SLCO4C1: variants seen among roughly 807,000 people sequenced by gnomAD.
SLCO4C1 encodes organic anion transporter M1.
A neutral mutation model predicts 72.1 loss-of-function variants in SLCO4C1; 58 were observed. The observed-to-expected ratio is 0.80, with a 90% CI of 0.65 to 1.00. SLCO4C1 has a LOEUF of 1.00. SLCO4C1 is among the 50% of genes least tolerant of loss of function. The probability of loss-of-function intolerance (pLI) is 0.00; values close to 1 mark genes in which losing one functional copy is unlikely to be tolerated. For synonymous variants in SLCO4C1, 297 were observed against 312.5 expected (o/e 0.95, Z 0.52); for missense variants, 898 against 857.9 (o/e 1.05, Z -0.58).
At chr5:102,247,499 T>C (rs1434888866) in intron 9 of SLCO4C1, 57 bp from the exon 10 acceptor site, 11 of 1,202,648 alleles carry the variant, frequency 9.1e-6, no homozygotes, top group Non-Finnish European at 1.3e-5. Context: ...TAAATTATTG[T>C]AAATTAGGTA....
Position 102,257,959 on chromosome 5 carries a change from G to A in SLCO4C1, c.1257C>T (p.Phe419=), listed in dbSNP as rs763876375. 20 of 1,603,730 alleles carry A rather than the reference G, an allele frequency of 1.2e-5. No individual in the cohort carries two copies. Among genetic ancestry groups the A allele is most frequent in the East Asian group, 2.3e-5 (1 of 44,320 alleles). The change falls in exon 7 of 13, where the codon TTC becomes TTT. Residue 419 remains phenylalanine, a synonymous_variant. Coordinates refer to ENST00000310954, the MANE Select transcript of SLCO4C1 (RefSeq NM_180991.5). Reference sequence around the variant, plus strand: ...ATGTTTTACCTCCAAGAGTAGCTGCGAAGCTGGATGTCAATCCGAATTGAT... The same window carrying A: ...ATGTTTTACCTCCAAGAGTAGCTGCAAAGCTGGATGTCAATCCGAATTGAT... ...IENQFGLTSS[F]AATLGGAVLI...
rs757946738 is a variant in SLCO4C1 at position 102,291,539 on chromosome 5, A to T, written c.423T>A (p.Ser141Arg). 1 of 1,613,958 alleles carries T rather than the reference A, an allele frequency of 6.2e-7. No individual in the cohort carries two copies. Among genetic ancestry groups the T allele is most frequent in the Non-Finnish European group, 8.5e-7 (1 of 1,179,928 alleles). Residue 141 changes from serine to arginine, a missense_variant, in exon 2 of 13, where the codon AGT (serine) becomes AGA (arginine). Physicochemically the swap from Ser to Arg is moderately radical, Grantham distance 110 (BLOSUM62 -1). Transcript: ENST00000310954. ...STVEKRYEMK[S>R]SLTGLISSSY... ...TTGATGAAATCAGGCCAGTCAGGGAACTCTTCATTTCATAACGCTTCTCAA... is the reference window on the plus strand; with the variant it reads ...TTGATGAAATCAGGCCAGTCAGGGATCTCTTCATTTCATAACGCTTCTCAA...
chr5:102,287,516 G>T (rs945893005), intron 2 of SLCO4C1, among the ~76,000 whole-genome samples: 4 of 144,850 alleles, frequency 2.8e-5, no homozygotes, highest in African/African-American at 5.0e-5. Flanking sequence ...ACTATAAAAA[G>T]AAGAGGTTTT....
At chr5:102,268,641 TC>T (rs1749090828) in intron 3 of SLCO4C1, among the ~76,000 whole-genome samples, 1 of 152,176 alleles carries the variant, frequency 6.6e-6, no homozygotes, top group African/African-American at 2.4e-5. Flanking sequence ...GTTTTATATA[TC>T]CTTTGTTCAT....
intron 1 of SLCO4C1, among the ~76,000 whole-genome samples, chr5:102,292,056 C>A (rs1163856716): frequency 6.6e-6 from 1 of 152,086 alleles, no homozygotes; most frequent in East Asian, 1.9e-4. Context: ...AAATCCTGAC[C>A]TCAGGTGATC....
At chr5:102,277,876 A>G in intron 2 of SLCO4C1, among the ~76,000 whole-genome samples, 1 of 152,196 alleles carries the variant, frequency 6.6e-6, no homozygotes, top group East Asian at 1.9e-4. Flanking sequence ...TCAAAACACT[A>G]CAGATAAATC....
At chr5:102,278,086 A>G (rs1425103094) in intron 2 of SLCO4C1, among the ~76,000 whole-genome samples, 2 of 152,160 alleles carry the variant, frequency 1.3e-5, no homozygotes, top group Admixed American at 6.6e-5. Context: ...AATAAAAAAA[A>G]CAACCCAACT....
chr5:102,269,658 G>A (rs1417822358), intron 3 of SLCO4C1, among the ~76,000 whole-genome samples: 1 of 151,950 alleles, frequency 6.6e-6, no homozygotes, highest in Non-Finnish European at 1.5e-5. Flanking sequence ...AAGACCATTA[G>A]CTCAAATTCC....
chr5:102,266,541 T>C (rs1295127581), intron 3 of SLCO4C1, among the ~76,000 whole-genome samples: 5 of 151,984 alleles, frequency 3.3e-5, no homozygotes, highest in African/African-American at 1.2e-4. Context: ...TCCCAGCTAC[T>C]TGGGAGGCTG....
chr5:102,247,379 CA>C lies in SLCO4C1; in HGVS notation c.1683del (p.Phe561LeufsTer27). 1 of 1,595,516 alleles carries C rather than the reference CA, an allele frequency of 6.3e-7. No individual in the cohort carries two copies. Among genetic ancestry groups the C allele is most frequent in the Non-Finnish European group, 8.6e-7 (1 of 1,166,074 alleles). On this transcript the variant is annotated frameshift_variant, in exon 10 of 13. Transcript: ENST00000310954. LOFTEE classifies it high-confidence loss of function. ...KTEITSTAET[F>X]GFEAKAGKCE... Reference sequence around the variant, plus strand: ...CATTTTCCAGCTTTAGCTTCAAAACCAAAAGTTTCTGCAGTGGATGTTATTT... The same window carrying C: ...CATTTTCCAGCTTTAGCTTCAAAACCAAAGTTTCTGCAGTGGATGTTATTT...
Position 102,270,718 on chromosome 5 carries a change from T to C in SLCO4C1, c.708A>G (p.Gln236=), listed in dbSNP as rs942938120. The change falls in exon 3 of 13, where the codon CAA becomes CAG. Residue 236 remains glutamine (Q), a synonymous_variant. Coordinates refer to ENST00000310954, the MANE Select transcript of SLCO4C1 (RefSeq NM_180991.5). Reference sequence around the variant, plus strand: ...GAGTTCCTCCTGCCCCCAGCAATAGTTGTCCCAAGATGAAGACATACAAGT... The same window carrying C: ...GAGTTCCTCCTGCCCCCAGCAATAGCTGTCCCAAGATGAAGACATACAAGT... ...SNYLYVFILG[Q]LLLGAGGTPL... is the part of the protein sequence containing the mutation. 6.2e-7 allele frequency: 1 copy of C among 1,613,254 alleles called. No homozygotes were observed. Among genetic ancestry groups the C allele is most frequent in the Non-Finnish European group, 8.5e-7 (1 of 1,179,538 alleles).
intron 11 of SLCO4C1, among the ~76,000 whole-genome samples, chr5:102,240,031 CATG>C (rs1216164023): frequency 6.6e-6 from 1 of 151,968 alleles, no homozygotes; most frequent in Non-Finnish European, 1.5e-5. Context: ...TGACCTGTAG[CATG>C]ATACAAGTCA....
At chr5:102,282,770 T>C (rs1176240417) in intron 2 of SLCO4C1, among the ~76,000 whole-genome samples, 1 of 152,068 alleles carries the variant, frequency 6.6e-6, no homozygotes, top group East Asian at 1.9e-4. Context: ...TGTGTGTTAA[T>C]GACTGTGTAG....
At chr5:102,285,212 T>TACACACAC (rs3070619) in intron 2 of SLCO4C1, among the ~76,000 whole-genome samples, 14,964 of 147,792 alleles carry the variant, frequency 0.1, 887 homozygotes, top group African/African-American at 0.14. Flanking sequence ...TATATATACA[T>TACACACAC]ACACACACAC....
chr5:102,250,495 G>T (rs1404588510), intron 8 of SLCO4C1, among the ~76,000 whole-genome samples: 1 of 152,138 alleles, frequency 6.6e-6, no homozygotes, highest in Non-Finnish European at 1.5e-5. Context: ...GGAATACAAA[G>T]CCGAATAAGA....
chr5:102,241,862 C>T (rs1006272541), intron 10 of SLCO4C1, among the ~76,000 whole-genome samples: 1 of 151,582 alleles, frequency 6.6e-6, no homozygotes, highest in Non-Finnish European at 1.5e-5. Flanking sequence ...GAAAAAAAAA[C>T]ACAACACTTT....
chr5:102,261,438 T>G (rs572352051), intron 5 of SLCO4C1, among the ~76,000 whole-genome samples: 1 of 144,806 alleles, frequency 6.9e-6, no homozygotes, highest in Admixed American at 6.9e-5. Flanking sequence ...AGAAAGAAAA[T>G]AATGTTTAAT....
intron 8 of SLCO4C1, among the ~76,000 whole-genome samples, chr5:102,252,255 C>T (rs369960372): frequency 4.6e-5 from 7 of 151,912 alleles, no homozygotes; most frequent in Non-Finnish European, 7.4e-5. Context: ...AGAAGATAAC[C>T]GACACTGTGT....
At chr5:102,285,409 C>A (rs1477673836) in intron 2 of SLCO4C1, among the ~76,000 whole-genome samples, 1 of 152,126 alleles carries the variant, frequency 6.6e-6, no homozygotes, top group Non-Finnish European at 1.5e-5. Flanking sequence ...CTCAGCCTCC[C>A]AAGTATCTGG....
Sources: gnomAD v4.1 joint callset for allele counts (sites outside exome capture counted in the v4.1 genomes callset) on GRCh38, gnomAD v4.1.1 for gene constraint, MANE v1.5 for transcripts, NCBI Gene and HGNC (gene_info 2026-07-23, HGNC 2026-07-21) for gene names.